Variants in SATB1 observed in about 807,000 individuals in gnomAD.
SATB1 encodes SATB homeobox 1, also known as DNA-binding protein SATB1.
A neutral mutation model predicts 86.9 loss-of-function variants in SATB1; 11 were observed. That is an observed-to-expected ratio of 0.13 (90% CI 0.08 to 0.21). The LOEUF (loss-of-function observed/expected upper bound fraction) is 0.21. Among genes scored for constraint, SATB1 ranks in the 10% least tolerant of loss-of-function variants. The pLI is 1.00. For synonymous variants in SATB1, 357 were observed against 357.2 expected, an observed-to-expected ratio of 1.00 and a Z score of 0.01; for missense variants, 551 against 937.6, an observed-to-expected ratio of 0.59 and a Z score of 5.39.
At chr3:18,392,052 C>T (rs191689436) in intron 7 of SATB1, among the ~76,000 whole-genome samples, 5 of 152,198 alleles carry the variant, frequency 3.3e-5, no homozygotes, top group African/African-American at 9.6e-5. Flanking sequence ...TATCAATTAT[C>T]AATATAAAGC....
rs995304371 is a variant in SATB1 at position 18,352,412 on chromosome 3, C to T, written c.1576-217G>A. On this transcript the variant is annotated intron_variant, in intron 9 of 10. Coordinates refer to ENST00000338745, the MANE Select transcript of SATB1 (RefSeq NM_002971.6). This position sits in a 1 kb window ranked among gnomAD's most constrained non-coding sequence, Gnocchi z 4.1. Reference sequence around the variant, plus strand: ...CTAATCAAAGTTCAGATTTGCATCTCAAAGGAGGGACATATTTTTTCAGAC... The same window carrying T: ...CTAATCAAAGTTCAGATTTGCATCTTAAAGGAGGGACATATTTTTTCAGAC... 1.4e-5 allele frequency: 7 copies of T among 517,152 alleles called. No individual in the cohort carries two copies. Among genetic ancestry groups the T allele is most frequent in the Non-Finnish European group, 1.7e-5 (5 of 288,262 alleles). The allele number at this position is 517,152 out of a possible 1,614,324, so 32.0% of individuals were successfully genotyped here. A position where few individuals can be genotyped will look rare whatever the true frequency, so the allele number is the denominator to read the frequency against.
At chr3:18,392,972 C>G (rs200413716) in intron 7 of SATB1, among the ~76,000 whole-genome samples, 1 of 114,820 alleles carries the variant, frequency 8.7e-6, no homozygotes, top group East Asian at 2.4e-4. Context: ...GACGAACGTA[C>G]AAAAAAAAAA....
chr3:18,367,490 T>TA (rs1695243478), intron 9 of SATB1, among the ~76,000 whole-genome samples: 1 of 152,186 alleles, frequency 6.6e-6, no homozygotes, highest in Admixed American at 6.6e-5. Context: ...TGGGGCAAGA[T>TA]AAAGTTTGTA....
chr3:18,418,434 C>T (rs1475469), intron 2 of SATB1, among the ~76,000 whole-genome samples: 1 of 151,980 alleles, frequency 6.6e-6, no homozygotes, highest in African/African-American at 2.4e-5. Context: ...TCTGACAAAA[C>T]CCTTTAGGTT....
intron 9 of SATB1, among the ~76,000 whole-genome samples, chr3:18,370,879 C>T (rs750185617): frequency 6.6e-6 from 1 of 152,218 alleles, no homozygotes; most frequent in African/African-American, 2.4e-5. Flanking sequence ...TCCGTAGCGT[C>T]GATACTCGAC....
At chr3:18,361,596 G>A (rs1332470713) in intron 9 of SATB1, among the ~76,000 whole-genome samples, 1 of 152,028 alleles carries the variant, frequency 6.6e-6, no homozygotes, top group Non-Finnish European at 1.5e-5. Flanking sequence ...AGCATAAATT[G>A]GTATAGTCTT....
intron 9 of SATB1, among the ~76,000 whole-genome samples, chr3:18,356,143 A>T (rs1694621840): frequency 6.6e-6 from 1 of 151,956 alleles, no homozygotes; most frequent in East Asian, 1.9e-4. Context: ...ATGCAGATGA[A>T]TTCTGAGATA....
At chr3:18,415,358 T>C (rs1400650606) in intron 4 of SATB1, 124 bp from the exon 5 acceptor site, 1 of 1,100,810 alleles carries the variant, frequency 9.1e-7, no homozygotes, top group Non-Finnish European at 1.3e-6. Context: ...TTGCTCTCGG[T>C]CTCCTGATTG....
intron 9 of SATB1, among the ~76,000 whole-genome samples, chr3:18,355,608 C>T (rs1694591576): frequency 6.6e-6 from 1 of 151,688 alleles, no homozygotes; most frequent in Non-Finnish European, 1.5e-5. Context: ...TGTGGGGGAG[C>T]AGAGATGAGG....
At chr3:18,377,575 G>A (rs9310555) in intron 9 of SATB1, among the ~76,000 whole-genome samples, 91,753 of 152,010 alleles carry the variant, frequency 0.6, 28,272 homozygotes, top group East Asian at 0.93. Flanking sequence ...TGTAATTCAG[G>A]GTTGGACAAG....
intron 8 of SATB1, among the ~76,000 whole-genome samples, chr3:18,385,320 C>G (rs369250264): frequency 1.3e-5 from 2 of 152,110 alleles, no homozygotes; most frequent in Non-Finnish European, 2.9e-5. Context: ...ACAAGTTAAA[C>G]ATGTAAGAAA....
rs865844797 is a variant in SATB1 at position 18,349,519 on chromosome 3, C to T, written c.1943G>A (p.Arg648Gln). Residue 648 changes from arginine (R) to glutamine (Q), a missense_variant, in exon 11 of 11, where the codon CGA becomes CAA. By Grantham distance (43) the Arg-to-Gln change is conservative (BLOSUM62 1). Transcript: ENST00000338745. This position sits in a 1 kb window ranked among gnomAD's most constrained non-coding sequence, Gnocchi z 5.5. ...DEENRQKTRP[R>Q]TKISVEALGI... Reference sequence around the variant, plus strand: ...CAAGGCTTCCACTGAAATTTTTGTTCGTGGCCGGGTCTTCTGTCGGTTTTC... The same window carrying T: ...CAAGGCTTCCACTGAAATTTTTGTTTGTGGCCGGGTCTTCTGTCGGTTTTC... 2.5e-6 allele frequency: 4 copies of T among 1,613,986 alleles called. No individual in the cohort carries two copies. Among genetic ancestry groups the T allele is most frequent in the East Asian group, 2.2e-5 (1 of 44,886 alleles).
At chr3:18,421,105 G>A in intron 1 of SATB1, 114 bp from the exon 2 acceptor site, 1 of 680,348 alleles carries the variant, frequency 1.5e-6, no homozygotes, top group Non-Finnish European at 2.5e-6. Context: ...TAATGTATTT[G>A]TAAAATGGCC....
At chr3:18,369,162 T>TAA (rs200357255) in intron 9 of SATB1, among the ~76,000 whole-genome samples, 3 of 120,110 alleles carry the variant, frequency 2.5e-5, no homozygotes, top group African/African-American at 8.0e-5. Flanking sequence ...AACTTTGCAT[T>TAA]AAAAAAAAAA....
intron 4 of SATB1, 46 bp downstream of exon 4, chr3:18,415,961 C>G (rs1458728641): frequency 6.7e-7 from 1 of 1,501,326 alleles, no homozygotes; most frequent in Non-Finnish European, 9.0e-7. Context: ...TTTCAAAAGA[C>G]CAGGTAAGAA....
chr3:18,383,402 G>A (rs1339010157), intron 8 of SATB1, among the ~76,000 whole-genome samples: 1 of 152,214 alleles, frequency 6.6e-6, no homozygotes, highest in Admixed American at 6.5e-5. Flanking sequence ...ATAAAGAGGT[G>A]GAAGAGAATC....
intron 2 of SATB1, among the ~76,000 whole-genome samples, chr3:18,432,708 AAC>A (rs370820307): frequency 1.3e-5 from 2 of 152,162 alleles, no homozygotes; most frequent in African/African-American, 4.8e-5. Flanking sequence ...ATGGTTGCAC[AAC>A]AGTGTGTATG....
Position 18,349,403 on chromosome 3 carries a change from A to G in SATB1, c.2059T>C (p.Tyr687His), listed in dbSNP as rs1210749229. 1 of 1,614,042 alleles carries G rather than the reference A, an allele frequency of 6.2e-7. No homozygotes were observed. Among genetic ancestry groups the G allele is most frequent in the Non-Finnish European group, 8.5e-7 (1 of 1,180,038 alleles). Residue 687 changes from tyrosine to histidine, a missense_variant, in exon 11 of 11, where the codon TAC becomes CAC. Tyr to His is a moderately conservative substitution (Grantham distance 83, BLOSUM62 2). Transcript: ENST00000338745. This position sits in a 1 kb window ranked among gnomAD's most constrained non-coding sequence, Gnocchi z 5.5. ...TLSAQLDLPKYTIIKFFQNQR... is the reference protein window; with the variant it reads ...TLSAQLDLPKHTIIKFFQNQR... The stretch of plus-strand genomic sequence containing the variant: ...TTCTGAAAGAACTTGATGATGGTGT[A>G]CTTGGGAAGGTCGAGCTGGGCAGAC...
At chr3:18,440,808 A>G (rs189250369), upstream of SATB1, among the ~76,000 whole-genome samples, 1 of 152,230 alleles carries the variant, frequency 6.6e-6, no homozygotes, top group African/African-American at 2.4e-5. Flanking sequence ...TTTGAAAACC[A>G]AATCAATTTG....
Sources: allele counts gnomAD v4.1 joint callset (sites outside exome capture counted in the v4.1 genomes callset), GRCh38; gene constraint gnomAD v4.1.1; non-coding constraint Gnocchi (gnomAD v3.1); transcripts MANE v1.5; gene names NCBI Gene and HGNC (gene_info 2026-07-23, HGNC 2026-07-21).